Variants in GRIA2 observed in about 807,000 individuals in gnomAD.
GRIA2 encodes the protein glutamate ionotropic receptor AMPA type subunit 2.
A neutral mutation model predicts 97.3 loss-of-function variants in GRIA2; 14 were observed. The ratio of observed to expected loss-of-function variants is 0.14; its 90% confidence interval spans 0.10 to 0.23. The LOEUF (loss-of-function observed/expected upper bound fraction) is 0.23. Among genes scored for constraint, GRIA2 ranks in the 10% least tolerant of loss-of-function variants. The probability of loss-of-function intolerance (pLI) is 1.00; values close to 1 mark genes in which losing one functional copy is unlikely to be tolerated. For missense variants in GRIA2, 558 were observed against 1,069.8 expected (o/e 0.52, Z 6.67); for synonymous variants, 412 against 387.8 (o/e 1.06, Z -0.73).
At chr4:157,352,717 C>CT in intron 12 of GRIA2, among the ~76,000 whole-genome samples, 1 of 57,966 alleles carries the variant, frequency 1.7e-5, no homozygotes, top group South Asian at 4.4e-4. Context: ...AAGACTCCAT[C>CT]TAAAAAAAAA....
At chr4:157,229,846 T>C (rs1403692303) in intron 2 of GRIA2, among the ~76,000 whole-genome samples, 1 of 152,148 alleles carries the variant, frequency 6.6e-6, no homozygotes, top group Non-Finnish European at 1.5e-5. Flanking sequence ...GTTTACTTGT[T>C]ATAGTCCTCT....
intron 2 of GRIA2, among the ~76,000 whole-genome samples, chr4:157,276,084 C>G (rs148620315): frequency 0.013 from 1,973 of 152,136 alleles, 20 homozygotes; most frequent in Non-Finnish European, 0.02. Flanking sequence ...CTTCACGTCC[C>G]TTGTAAATTG....
intron 2 of GRIA2, among the ~76,000 whole-genome samples, chr4:157,291,145 C>G (rs1579336748): frequency 6.6e-6 from 1 of 151,798 alleles, no homozygotes; most frequent in East Asian, 1.9e-4. Flanking sequence ...CAATTTTCTC[C>G]ATGTTTTTCT....
intron 2 of GRIA2, among the ~76,000 whole-genome samples, chr4:157,256,959 T>C (rs1731304910): frequency 6.6e-6 from 1 of 152,014 alleles, no homozygotes; most frequent in Non-Finnish European, 1.5e-5. Context: ...TTACAGGTCA[T>C]TGTGAGTGTT....
At chr4:157,255,674 C>T (rs1421206892) in intron 2 of GRIA2, among the ~76,000 whole-genome samples, 1 of 151,828 alleles carries the variant, frequency 6.6e-6, no homozygotes, top group Non-Finnish European at 1.5e-5. Context: ...AAATGATCAA[C>T]AAAGTGAACA....
At chr4:157,298,699 A>G (rs1002750000) in intron 2 of GRIA2, among the ~76,000 whole-genome samples, 4 of 146,174 alleles carry the variant, frequency 2.7e-5, no homozygotes, top group African/African-American at 1.0e-4. Flanking sequence ...TCAGTGTGGA[A>G]CACCAAAACA....
intron 2 of GRIA2, among the ~76,000 whole-genome samples, chr4:157,230,228 G>A (rs1729939073): frequency 6.6e-6 from 1 of 152,098 alleles, no homozygotes; most frequent in African/African-American, 2.4e-5. Flanking sequence ...TCTAGCATCA[G>A]TATTCAAGAT....
chr4:157,220,139 G>T (rs1390629524), upstream of GRIA2: 1 of 152,224 alleles, frequency 6.6e-6, no homozygotes, highest in Non-Finnish European at 1.5e-5. Flanking sequence ...CTTTCGGCTG[G>T]GTCAGGTGAG....
chr4:157,237,377 C>T lies in GRIA2; in HGVS notation c.229+15570C>T, dbSNP rs568273608. 1.6e-4 allele frequency among the ~76,000 whole-genome samples: 25 copies of T among 151,780 alleles called. 1 individual carries two copies. The highest frequency in any genetic ancestry group is 3.2e-4 in the Non-Finnish European group (22 of 67,940). ...TGGCATGATCATGGCTCACTGTAAC[C>T]GCAAACTCCTGAGCTCAGGTTATTC... On this transcript the variant is annotated intron_variant, in intron 2 of 15. Coordinates refer to ENST00000264426, the MANE Select transcript of GRIA2 (RefSeq NM_001083619.3).
At chr4:157,321,290 A>G in intron 5 of GRIA2, 148 bp from the exon 6 acceptor site, 1 of 595,994 alleles carries the variant, frequency 1.7e-6, no homozygotes, top group Non-Finnish European at 2.9e-6. Context: ...ACTGGCTGAT[A>G]AATACATGGG....
rs568578833 is a variant in GRIA2, at chr4:157,341,521, T to A, written c.2043+59T>A. The A allele has an allele frequency of 1.3e-5, 15 of 1,152,854 alleles. No individual in the cohort carries two copies. In the East Asian group the frequency reaches 2.3e-4, roughly 18 times the overall value. The allele number at this position is 1,152,854 out of a possible 1,614,324, so 71.4% of individuals were successfully genotyped here. A position where few individuals can be genotyped will look rare whatever the true frequency, so the allele number is the denominator to read the frequency against. ...TTCCTGAAATTTAACCTATTTAAAC[T>A]TTGTTTCCCTCCCATAGTCAATTCC... On this transcript the variant is annotated intron_variant, in intron 12 of 15. Transcript: ENST00000264426.
intron 12 of GRIA2, among the ~76,000 whole-genome samples, chr4:157,355,658 T>TTA (rs1250631065): frequency 1.0e-4 from 10 of 98,076 alleles, no homozygotes; most frequent in African/African-American, 2.3e-4. Context: ...ATATATTTAT[T>TTA]TATATTTATT....
rs1240924390 is a variant in GRIA2, at chr4:157,256,032, C to A, written c.229+34225C>A. Among the ~76,000 whole-genome samples, 9 of 150,094 alleles carry A rather than the reference C, an allele frequency of 6.0e-5. No individual in the cohort carries two copies. The East Asian group carries it at 1.8e-3, about 29-fold the overall frequency. On this transcript the variant is annotated intron_variant, in intron 2 of 15. Transcript: ENST00000264426. ...ATGTTAAGTATAAAAATTCTTGATTCTTTTAAATAAAAGTACTGTGTATAT... is the reference window on the plus strand; with the variant it reads ...ATGTTAAGTATAAAAATTCTTGATTATTTTAAATAAAAGTACTGTGTATAT...
chr4:157,252,346 GGGTTATTTGTGTTT>G (rs1731054795), intron 2 of GRIA2, among the ~76,000 whole-genome samples: 2 of 152,048 alleles, frequency 1.3e-5, no homozygotes, highest in Non-Finnish European at 2.9e-5. Context: ...TGATGAACTA[GGGTTATTTGTGTTT>G]GGTTATTTGA....
At chr4:157,286,661 C>G (rs1398004123) in intron 2 of GRIA2, among the ~76,000 whole-genome samples, 1 of 151,046 alleles carries the variant, frequency 6.6e-6, no homozygotes, top group Non-Finnish European at 1.5e-5. Flanking sequence ...GATTTTTATC[C>G]TTAGGTGCAA....
Position 157,298,545 on chromosome 4 carries a change from A to G in GRIA2, c.230-5007A>G, listed in dbSNP as rs184440858. On this transcript the variant is annotated intron_variant, in intron 2 of 15. Transcript: ENST00000264426. ...TATTTTTATGGAATTAGTTGGAAAT[A>G]TATGGTTTTAGAAGTTTCCATATAA... Among the ~76,000 whole-genome samples the G allele has an allele frequency of 2.7e-5, 4 of 146,966 alleles. No individual in the cohort carries two copies. The East Asian group carries it at 8.2e-4, about 30-fold the overall frequency.
chr4:157,315,279 G>A (rs1236616893), intron 4 of GRIA2, among the ~76,000 whole-genome samples: 1 of 151,640 alleles, frequency 6.6e-6, no homozygotes, highest in Admixed American at 6.6e-5. Flanking sequence ...TGAAAAGAAT[G>A]GTATGCTATG....
At chr4:157,298,099 T>C (rs1243540118) in intron 2 of GRIA2, among the ~76,000 whole-genome samples, 1 of 152,084 alleles carries the variant, frequency 6.6e-6, no homozygotes. Context: ...CTTTATGTGA[T>C]GTGCTTTAGG....
At chr4:157,238,222 G>T (rs1385741992) in intron 2 of GRIA2, among the ~76,000 whole-genome samples, 1 of 152,102 alleles carries the variant, frequency 6.6e-6, no homozygotes, top group Non-Finnish European at 1.5e-5. Flanking sequence ...CTTGCGTCAA[G>T]ATATACTTTC....
Sources: gnomAD v4.1 joint callset for allele counts (sites outside exome capture counted in the v4.1 genomes callset) on GRCh38, gnomAD v4.1.1 for gene constraint, MANE v1.5 for transcripts, NCBI Gene and HGNC (gene_info 2026-07-23, HGNC 2026-07-21) for gene names.